The following GSE1 variants were observed in gnomAD, a reference collection of about 807,000 sequenced individuals.
The protein encoded by GSE1 is genetic suppressor element 1.
Under a neutral mutation model 112.6 loss-of-function variants are expected in GSE1, and 32 were observed. The observed-to-expected ratio is 0.28, with a 90% CI of 0.21 to 0.38. The LOEUF is 0.38. GSE1 is among the 10% of genes least tolerant of loss of function. The probability of loss-of-function intolerance (pLI) is 1.00; values close to 1 mark genes in which losing one functional copy is unlikely to be tolerated. For synonymous variants in GSE1, 1,115 were observed against 735.6 expected, an observed-to-expected ratio of 1.52 and a Z score of -8.35; for missense variants, 2,348 against 1,699.2, an observed-to-expected ratio of 1.38 and a Z score of -6.71.
At chr16:85,234,924 G>C (rs922795890) in intron 1 of GSE1, among the ~76,000 whole-genome samples, 9 of 152,248 alleles carry the variant, frequency 5.9e-5, no homozygotes, top group African/African-American at 1.4e-4. Context: ...TATCTACTGC[G>C]GAGGGGCGGG....
intron 1 of GSE1, among the ~76,000 whole-genome samples, chr16:85,202,470 A>T (rs749263360): frequency 1.3e-5 from 2 of 152,062 alleles, no homozygotes; most frequent in Non-Finnish European, 2.9e-5. Context: ...GGGTCTCACT[A>T]TGTTGCTGGT....
chr16:85,631,958 G>T (rs906843197), intron 1 of GSE1, among the ~76,000 whole-genome samples: 6 of 152,392 alleles, frequency 3.9e-5, no homozygotes, highest in African/African-American at 1.2e-4. Context: ...CGCCTTGGGG[G>T]CAGCGTGGCT....
chr16:85,515,038 T>C (rs1467824051), intron 2 of GSE1, among the ~76,000 whole-genome samples: 1 of 152,208 alleles, frequency 6.6e-6, no homozygotes, highest in Non-Finnish European at 1.5e-5. Flanking sequence ...TGGGTGGATG[T>C]GTGTGCATGT....
intron 1 of GSE1, chr16:85,595,795 T>A (rs1404792736): frequency 7.1e-6 from 1 of 140,532 alleles, no homozygotes; most frequent in Non-Finnish European, 1.5e-5. Context: ...CCTCTATCCA[T>A]CCATTCCCCC....
chr16:85,339,545 G>C (rs1044059083), intron 1 of GSE1, among the ~76,000 whole-genome samples: 2 of 150,266 alleles, frequency 1.3e-5, no homozygotes, highest in Non-Finnish European at 3.0e-5. Flanking sequence ...GAAGGCGGCA[G>C]TGAAAAGGCA....
Position 85,514,364 on chromosome 16 carries a change from A to AC in GSE1, c.2465-119548dup, listed in dbSNP as rs1163374418. Among the ~76,000 whole-genome samples, 223 of 121,346 alleles carry AC rather than the reference A, an allele frequency of 1.8e-3. 1 individual carries two copies. Among genetic ancestry groups the AC allele is most frequent in the African/African-American group, 6.9e-3 (217 of 31,558 alleles). 79.6% of individuals were successfully genotyped at this position (121,346 alleles called of 152,430 possible). A position where few individuals can be genotyped will look rare whatever the true frequency, so the allele number is the denominator to read the frequency against. On this transcript the variant is annotated intron_variant, in intron 2 of 2. Coordinates refer to the GSE1 transcript ENST00000637419. The stretch of plus-strand genomic sequence containing the variant: ...GCCTGCATTTCCTCCTTCGTGGGAC[A>AC]CCACCCCCCCATCCTTTGCACCCTC...
chr16:85,226,950 A>G (rs1597845902), intron 1 of GSE1, among the ~76,000 whole-genome samples: 4 of 152,226 alleles, frequency 2.6e-5, no homozygotes, highest in Admixed American at 2.6e-4. Context: ...TAAGTCAGTC[A>G]GGTAGCGGCC....
intron 2 of GSE1, among the ~76,000 whole-genome samples, chr16:85,439,947 C>T (rs563399642): frequency 6.6e-6 from 1 of 152,354 alleles, no homozygotes; most frequent in African/African-American, 2.4e-5. Context: ...CAGAGACACT[C>T]AGGTACACAG....
At chr16:85,422,232 GAC>G (rs1010797247) in intron 2 of GSE1, among the ~76,000 whole-genome samples, 4 of 152,178 alleles carry the variant, frequency 2.6e-5, no homozygotes, top group African/African-American at 9.7e-5. Context: ...CTTTGCATCA[GAC>G]ACAATCCCGT....
At chr16:85,555,880 T>A, upstream of GSE1, 1 of 775,198 alleles carries the variant, frequency 1.3e-6, no homozygotes, top group Non-Finnish European at 1.5e-6. Context: ...CCCAATTTCA[T>A]CACCCTCACC....
chr16:85,266,201 A>C (rs923168733), intron 1 of GSE1, among the ~76,000 whole-genome samples: 2 of 151,974 alleles, frequency 1.3e-5, no homozygotes, highest in African/African-American at 4.8e-5. Context: ...GTTTCTGGGC[A>C]CCTTGGGGGC....
chr16:85,295,291 G>T (rs1426573423), intron 1 of GSE1, among the ~76,000 whole-genome samples: 2 of 152,206 alleles, frequency 1.3e-5, no homozygotes, highest in Non-Finnish European at 2.9e-5. Flanking sequence ...AAGCTCTTTT[G>T]TGGCTTCTCT....
At chr16:85,438,301 G>T (rs1182758379) in intron 2 of GSE1, among the ~76,000 whole-genome samples, 1 of 152,160 alleles carries the variant, frequency 6.6e-6, no homozygotes, top group African/African-American at 2.4e-5. Context: ...CCATGCGGTG[G>T]TGTCTTTCCG....
At chr16:85,520,827 C>G (rs2151152375) in intron 2 of GSE1, among the ~76,000 whole-genome samples, 1 of 152,282 alleles carries the variant, frequency 6.6e-6, no homozygotes, top group Non-Finnish European at 1.5e-5. Context: ...TTTTGTGGAT[C>G]ACAATGGGGA....
At chr16:85,648,412 G>A (rs2051060159) in intron 2 of GSE1, 140 bp from the exon 3 acceptor site, 1 of 584,894 alleles carries the variant, frequency 1.7e-6, no homozygotes, top group Non-Finnish European at 3.0e-6. Flanking sequence ...TGTCTTGGGT[G>A]GGGGCCCATG....
intron 1 of GSE1, among the ~76,000 whole-genome samples, chr16:85,237,792 C>T (rs1429447397): frequency 4.0e-5 from 6 of 150,882 alleles, no homozygotes; most frequent in African/African-American, 1.2e-4. Context: ...GAGCCAAGAT[C>T]GCGCCACCGC....
At chr16:85,340,574 G>A (rs988851712) in intron 1 of GSE1, among the ~76,000 whole-genome samples, 1 of 152,220 alleles carries the variant, frequency 6.6e-6, no homozygotes. Flanking sequence ...CCGGGAGGAA[G>A]AGGTTGCAGT....
chr16:85,319,427 C>T lies in GSE1; in HGVS notation c.2284-38036C>T, dbSNP rs143286202. Among the ~76,000 whole-genome samples the T allele has an allele frequency of 7.0e-4, 107 of 152,298 alleles. 1 individual carries two copies. The East Asian group carries it at 0.015, about 21-fold the overall frequency. ...CCAGCTCCTGGGCCTCAGCCTGTGT[C>T]CGCCCTGGCAGCAGAGCCTCCTCGT... On this transcript the variant is annotated intron_variant, in intron 1 of 2. Coordinates refer to the GSE1 transcript ENST00000637419.
chr16:85,441,390 C>T (rs1239473659), intron 2 of GSE1, among the ~76,000 whole-genome samples: 1 of 152,228 alleles, frequency 6.6e-6, no homozygotes, highest in Non-Finnish European at 1.5e-5. Flanking sequence ...CGTGGTGGCT[C>T]ACGCCTGCGG....
Sources: gnomAD v4.1 joint callset for allele counts (sites outside exome capture counted in the v4.1 genomes callset) on GRCh38, gnomAD v4.1.1 for gene constraint, MANE v1.5 for transcripts, NCBI Gene and HGNC (gene_info 2026-07-23, HGNC 2026-07-21) for gene names.